Variants in GNG4 observed in about 807,000 individuals in gnomAD.
GNG4 encodes the protein G protein subunit gamma 4, also known as guanine nucleotide-binding protein G(I)/G(S)/G(O) subunit gamma-4.
Under a neutral mutation model 5.8 loss-of-function variants are expected in GNG4, and 4 were observed. The ratio of observed to expected loss-of-function variants is 0.69; its 90% CI spans 0.34 to 1.57. GNG4 has a LOEUF of 1.57. Among genes scored for constraint, GNG4 ranks in the 40% most tolerant of loss-of-function variants. The pLI, the probability that GNG4 is intolerant of heterozygous loss-of-function variation, is 0.06. For synonymous variants in GNG4, 29 were observed against 32.9 expected, an observed-to-expected ratio of 0.88 and a Z score of 0.41; for missense variants, 96 against 95.1, an observed-to-expected ratio of 1.01 and a Z score of -0.04.
chr1:235,631,074 T>C (rs1571922950), intron 1 of GNG4, among the ~76,000 whole-genome samples: 1 of 152,130 alleles, frequency 6.6e-6, no homozygotes, highest in African/African-American at 2.4e-5. Context: ...AATTTTTGTA[T>C]TTTTAATAGA....
rs767488678 is a variant in GNG4 at position 235,644,279 on chromosome 1, C to T, written c.-123+5383G>A. Among the ~76,000 whole-genome samples the T allele has an allele frequency of 2.0e-5, 3 of 152,248 alleles. No homozygotes were observed. The highest frequency in any genetic ancestry group is 4.4e-5 in the Non-Finnish European group (3 of 68,044). On this transcript the variant is annotated intron_variant, in intron 1 of 3. Coordinates refer to ENST00000391854, the MANE Select transcript of GNG4 (RefSeq NM_001098722.2). This position sits in a 1 kb window ranked among gnomAD's most constrained non-coding sequence, Gnocchi z 5.9. ...GGCCTTGCCCTGGACCTACACCTCACCCTGTTCCAGAGAGAATTCAGTGGC... is the reference window on the plus strand; with the variant it reads ...GGCCTTGCCCTGGACCTACACCTCATCCTGTTCCAGAGAGAATTCAGTGGC...
In GNG4 at chr1:235,551,511, C is replaced by G. The variant is rs1686747868; in HGVS notation, c.*598G>C. 2 of 152,706 alleles carry G rather than the reference C, an allele frequency of 1.3e-5. No homozygotes were observed. The highest frequency in any genetic ancestry group is 2.9e-5 in the Non-Finnish European group (2 of 68,520). The allele number at this position is 152,706 out of a possible 1,614,324, so 9.5% of individuals were successfully genotyped here. A position where few individuals can be genotyped will look rare whatever the true frequency, so the allele number is the denominator to read the frequency against. ...TGAGCTGAGGTCACGCCATTGCACT[C>G]CAGCCTGGGTGACAGAGCGAGACTC... On this transcript the variant is annotated 3_prime_UTR_variant, in exon 4 of 4. Transcript: ENST00000391854.
At chr1:235,583,126 A>G (rs2774334) in intron 3 of GNG4, among the ~76,000 whole-genome samples, 62,359 of 151,978 alleles carry the variant, frequency 0.41, 13,704 homozygotes, top group East Asian at 0.79. Context: ...ATTACAGTCA[A>G]CGAGCGTCAT....
At chr1:235,640,754 C>A (rs1394275202) in intron 1 of GNG4, among the ~76,000 whole-genome samples, 1 of 152,222 alleles carries the variant, frequency 6.6e-6, no homozygotes, top group African/African-American at 2.4e-5. Context: ...GCCACCACCC[C>A]CTGCAGGGCT....
intron 3 of GNG4, among the ~76,000 whole-genome samples, chr1:235,581,967 G>A (rs1393922304): frequency 6.6e-6 from 1 of 152,230 alleles, no homozygotes; most frequent in Admixed American, 6.5e-5. Context: ...GGGCAAAGGA[G>A]AACTGCCTTA....
rs1402672956 is a variant in GNG4, at chr1:235,642,066, C to A, written c.-123+7596G>T. ...GTTTTCGTAGCCCTAGAGCTTCCAA[C>A]GTACAGTGCGGAAAAGCAACATAAC... On this transcript the variant is annotated intron_variant, in intron 1 of 3. Transcript: ENST00000391854. The surrounding 1 kb of genome is among the most constrained non-coding windows in gnomAD (Gnocchi z 4.3). Among the ~76,000 whole-genome samples the A allele has an allele frequency of 6.6e-6, 1 of 152,236 alleles. No individual in the cohort carries two copies. Among genetic ancestry groups the A allele is most frequent in the Non-Finnish European group, 1.5e-5 (1 of 68,046 alleles).
chr1:235,594,022 T>G (rs565953526), intron 2 of GNG4, among the ~76,000 whole-genome samples: 3 of 152,270 alleles, frequency 2.0e-5, no homozygotes, highest in African/African-American at 7.2e-5. Flanking sequence ...TACAGAGAGC[T>G]GATTGGTCTG....
At chr1:235,588,431 T>C (rs1687879439) in intron 2 of GNG4, among the ~76,000 whole-genome samples, 1 of 152,044 alleles carries the variant, frequency 6.6e-6, no homozygotes, top group Non-Finnish European at 1.5e-5. Flanking sequence ...CCTCCTCCCC[T>C]GGCTCCATAC....
intron 1 of GNG4, among the ~76,000 whole-genome samples, chr1:235,598,099 C>T (rs1688167827): frequency 6.6e-6 from 1 of 152,150 alleles, no homozygotes; most frequent in African/African-American, 2.4e-5. Context: ...CCCCAGCCCA[C>T]TGTGGGGAAG....
intron 2 of GNG4, among the ~76,000 whole-genome samples, chr1:235,590,985 AG>A (rs1004079556): frequency 2.0e-5 from 3 of 152,158 alleles, no homozygotes; most frequent in African/African-American, 7.2e-5. Context: ...GCTCTGGGGT[AG>A]GGGCCGAGAT....
intron 1 of GNG4, among the ~76,000 whole-genome samples, chr1:235,608,158 G>A (rs1049702037): frequency 6.6e-6 from 1 of 151,862 alleles, no homozygotes; most frequent in Admixed American, 6.6e-5. Context: ...GGATGGTCTC[G>A]AACTCCTGAC....
At chr1:235,555,870 T>C (rs1476772778) in intron 3 of GNG4, among the ~76,000 whole-genome samples, 1 of 152,032 alleles carries the variant, frequency 6.6e-6, no homozygotes, top group Non-Finnish European at 1.5e-5. Flanking sequence ...CTTTTAGCAA[T>C]TTTCTTTTTT....
chr1:235,583,699 G>A (rs1187075141), intron 3 of GNG4, 41 bp downstream of exon 3: 13 of 1,308,628 alleles, frequency 9.9e-6, no homozygotes, highest in Non-Finnish European at 1.4e-5. Flanking sequence ...GTTTTGAGCT[G>A]AGCTTCGGGC....
chr1:235,592,100 T>A (rs1489852407), intron 2 of GNG4, among the ~76,000 whole-genome samples: 1 of 152,174 alleles, frequency 6.6e-6, no homozygotes, highest in African/African-American at 2.4e-5. Context: ...TTAACATATG[T>A]CTCTGAGTTG....
chr1:235,639,754 G>A (rs1167941148), intron 1 of GNG4, among the ~76,000 whole-genome samples: 1 of 152,192 alleles, frequency 6.6e-6, no homozygotes, highest in Non-Finnish European at 1.5e-5. Flanking sequence ...TGATCTGCCC[G>A]CCTTGGTCTC....
At chr1:235,643,633 C>T (rs1292265299) in intron 1 of GNG4, among the ~76,000 whole-genome samples, 1 of 152,224 alleles carries the variant, frequency 6.6e-6, no homozygotes, top group African/African-American at 2.4e-5. Flanking sequence ...ACATCGATCG[C>T]ATCCAGCAGT....
chr1:235,645,677 A>G (rs1202006444), intron 1 of GNG4, among the ~76,000 whole-genome samples: 1 of 151,926 alleles, frequency 6.6e-6, no homozygotes, highest in Non-Finnish European at 1.5e-5. Flanking sequence ...CATGCCTGTA[A>G]TCCCAGCTAC....
chr1:235,562,596 G>A lies in GNG4; in HGVS notation c.100-10359C>T, dbSNP rs546779779. Among the ~76,000 whole-genome samples the A allele has an allele frequency of 3.7e-4, 51 of 137,532 alleles. No individual in the cohort carries two copies. The East Asian group carries it at 8.8e-3, about 24-fold the overall frequency. 90.2% of individuals were successfully genotyped at this position (137,532 alleles called of 152,430 possible). ...GGAGGCAGAGGTTGCAGAGAGCCAA[G>A]ATGGCACCACTGCACTCCAGCTTGG... On this transcript the variant is annotated intron_variant, in intron 3 of 3. Coordinates refer to ENST00000391854, the MANE Select transcript of GNG4 (RefSeq NM_001098722.2).
At position 235,573,843 on chromosome 1, in the gene GNG4, T is replaced by G. The variant is rs112518045; in HGVS notation, c.99+9897A>C. Among the ~76,000 whole-genome samples, 315 of 152,264 alleles carry G rather than the reference T, an allele frequency of 2.1e-3. 4 individuals are homozygous for G. The highest frequency in any genetic ancestry group is 7.1e-3 in the African/African-American group (295 of 41,564). ...ACTGAAATGTCTAAGGATAGGAGAC[T>G]GGTTAATTATTGTACATCGGGGGAA... is the stretch of plus-strand genomic sequence containing the variant. On this transcript the variant is annotated intron_variant, in intron 3 of 3. Transcript: ENST00000391854.
Sources: gnomAD v4.1 joint callset for allele counts (sites outside exome capture counted in the v4.1 genomes callset) on GRCh38, gnomAD v4.1.1 for gene constraint, Gnocchi (gnomAD v3.1) non-coding constraint, MANE v1.5 for transcripts, NCBI Gene and HGNC (gene_info 2026-07-23, HGNC 2026-07-21) for gene names.